Variants in KCNQ1 observed in about 807,000 individuals in gnomAD.
KCNQ1 encodes potassium voltage-gated channel subfamily Q member 1.
KCNQ1 carries 49 observed loss-of-function variants against 72.4 expected under a neutral mutation model. That is an observed-to-expected ratio of 0.68 (90% CI 0.54 to 0.86). KCNQ1 has a LOEUF of 0.86. KCNQ1 is among the 40% of genes least tolerant of loss of function. The pLI is 0.00. For synonymous variants in KCNQ1, 450 were observed against 412.6 expected (o/e 1.09, Z -1.10); for missense variants, 790 against 945.1 (o/e 0.84, Z 2.15).
Position 2,508,336 on chromosome 11 carries a change from C to T in KCNQ1, c.387-19592C>T, listed in dbSNP as rs1042693055. Among the ~76,000 whole-genome samples, 7 of 152,164 alleles carry T rather than the reference C, an allele frequency of 4.6e-5. No homozygotes were observed. The highest frequency in any genetic ancestry group is 1.4e-4 in the African/African-American group (6 of 41,448). ...TCTTGGAAAGACTTTAGGCCAGGAG[C>T]CCATCATTGTCCTGGAACCTGGGCT... On this transcript the variant is annotated intron_variant, in intron 1 of 15. Transcript: ENST00000155840. This position sits in a 1 kb window ranked among gnomAD's most constrained non-coding sequence, Gnocchi z 6.2.
In KCNQ1 at chr11:2,449,429, C is replaced by T. The variant is rs1034791291; in HGVS notation, c.386+3945C>T. On this transcript the variant is annotated intron_variant, in intron 1 of 15. Coordinates refer to ENST00000155840, the MANE Select transcript of KCNQ1 (RefSeq NM_000218.3). ...GCTTTGCGGGGACACTCCTGGGTAC[C>T]GATGGGATGAACTTCCGCTGGGCCT... Among the ~76,000 whole-genome samples, 49 of 152,280 alleles carry T rather than the reference C, an allele frequency of 3.2e-4. 1 individual carries two copies. Among genetic ancestry groups the T allele is most frequent in the Admixed American group, 1.9e-3 (29 of 15,298 alleles).
At chr11:2,701,735 C>T (rs973453729) in intron 11 of KCNQ1, among the ~76,000 whole-genome samples, 1 of 152,216 alleles carries the variant, frequency 6.6e-6, no homozygotes, top group African/African-American at 2.4e-5. Context: ...TGTGCCCAGC[C>T]TCTCTCTTGA....
rs1851175570 is a variant in KCNQ1, at chr11:2,720,006, A to G, written c.1515-48838A>G. 6.6e-6 allele frequency among the ~76,000 whole-genome samples: 1 copy of G among 152,246 alleles called. No individual in the cohort carries two copies. The highest frequency in any genetic ancestry group is 2.4e-5 in the African/African-American group (1 of 41,460). ...GCCTGGGCGGAGGTGGAGCCGCTTC[A>G]CCATACATGCAAATGTAGCAAACTG... On this transcript the variant is annotated intron_variant, in intron 11 of 15. Coordinates refer to ENST00000155840, the MANE Select transcript of KCNQ1 (RefSeq NM_000218.3). The surrounding 1 kb of genome is among the most constrained non-coding windows in gnomAD (Gnocchi z 5.1).
At chr11:2,540,166 C>G (rs1208868532) in intron 2 of KCNQ1, among the ~76,000 whole-genome samples, 3 of 152,154 alleles carry the variant, frequency 2.0e-5, no homozygotes, top group Non-Finnish European at 2.9e-5. Flanking sequence ...AAGGAGGTAG[C>G]CTGAGGTCTC....
chr11:2,520,937 C>T (rs1054836114), intron 1 of KCNQ1, among the ~76,000 whole-genome samples: 6 of 152,174 alleles, frequency 3.9e-5, no homozygotes, highest in African/African-American at 1.4e-4. Flanking sequence ...CTGGCGAGGT[C>T]CCGTCCCCAG....
rs778975231 is a variant in KCNQ1 at position 2,768,866 on chromosome 11, A to G, written c.1537A>G (p.Thr513Ala). Reference protein sequence around the residue: ...ISQLREHHRATIKVIRRMQYF... With the variant: ...ISQLREHHRAAIKVIRRMQYF... ...CAGGCTGCGGGAACACCATCGGGCC[A>G]CCATTAAGGTCATTCGACGCATGCA... Residue 513 changes from threonine (T) to alanine (A), a missense_variant, in exon 12 of 16, where the codon ACC becomes GCC. By Grantham distance (58) the Thr-to-Ala change is moderately conservative. Transcript: ENST00000155840. This position sits in a 1 kb window ranked among gnomAD's most constrained non-coding sequence, Gnocchi z 6.7. 1.2e-6 allele frequency: 2 copies of G among 1,614,046 alleles called. No homozygotes were observed. The highest frequency in any genetic ancestry group is 2.7e-5 in the African/African-American group (2 of 75,020).
chr11:2,738,443 G>C (rs1467479975), intron 11 of KCNQ1, among the ~76,000 whole-genome samples: 1 of 152,216 alleles, frequency 6.6e-6, no homozygotes, highest in Non-Finnish European at 1.5e-5. Context: ...GGGGCCACTG[G>C]CACTAGCGTG....
chr11:2,582,657 G>A (rs1052825885), intron 6 of KCNQ1, among the ~76,000 whole-genome samples: 1 of 152,226 alleles, frequency 6.6e-6, no homozygotes, highest in Non-Finnish European at 1.5e-5. Context: ...GCAGGAGCCT[G>A]TGTGTCCACA....
intron 11 of KCNQ1, among the ~76,000 whole-genome samples, chr11:2,708,510 G>C (rs969373344): frequency 6.6e-6 from 1 of 152,208 alleles, no homozygotes. Context: ...CCCCCTGGTG[G>C]GCCAGGCAGG....
At position 2,608,586 on chromosome 11, in the gene KCNQ1, G is replaced by A. The variant is rs578205644; in HGVS notation, c.1393+19732G>A. 1 of 398,386 alleles carries A rather than the reference G, an allele frequency of 2.5e-6. No homozygotes were observed. Among genetic ancestry groups the A allele is most frequent in the East Asian group, 3.6e-5 (1 of 28,058 alleles). The allele number at this position is 398,386 out of a possible 1,614,324, so 24.7% of individuals were successfully genotyped here. A position where few individuals can be genotyped will look rare whatever the true frequency, so the allele number is the denominator to read the frequency against. Reference sequence around the variant, plus strand: ...GATCTCCTAGTCTCAAGTGATCCTTGCCCCTTAGCCTATGACAGGTGTGCA... The same window carrying A: ...GATCTCCTAGTCTCAAGTGATCCTTACCCCTTAGCCTATGACAGGTGTGCA... On this transcript the variant is annotated intron_variant, in intron 10 of 15. Transcript: ENST00000155840. The surrounding 1 kb of genome is among the most constrained non-coding windows in gnomAD (Gnocchi z 4.6).
chr11:2,528,083 G>A (rs948331592), intron 2 of KCNQ1, 65 bp downstream of exon 2: 17 of 1,372,834 alleles, frequency 1.2e-5, no homozygotes, highest in East Asian at 2.3e-5. Context: ...TCTCCCTGGC[G>A]CTGGGCCCCA....
Position 2,473,038 on chromosome 11 carries a change from T to C in KCNQ1, c.386+27554T>C, listed in dbSNP as rs192083218. Among the ~76,000 whole-genome samples, 764 of 152,084 alleles carry C rather than the reference T, an allele frequency of 5.0e-3. 1 individual carries two copies. The highest frequency in any genetic ancestry group is 9.3e-3 in the South Asian group (45 of 4,822). On this transcript the variant is annotated intron_variant, in intron 1 of 15. Coordinates refer to ENST00000155840, the MANE Select transcript of KCNQ1 (RefSeq NM_000218.3). This position sits in a 1 kb window ranked among gnomAD's most constrained non-coding sequence, Gnocchi z 6.0. ...TCTGTCATTGGAGGAGACTGTCCCA[T>C]GTCCCTCCAGATCATGTCCCTGAGT...
rs2133865135 is a variant in KCNQ1 at position 2,668,204 on chromosome 11, CA to C, written c.1514+6124del. On this transcript the variant is annotated intron_variant, in intron 11 of 15. Transcript: ENST00000155840. The surrounding 1 kb of genome is among the most constrained non-coding windows in gnomAD (Gnocchi z 4.3). ...GCTCCATTGTGTGCATGGCCTACAT[CA>C]TTCATCCATTCTACCACCTGTGGCC... is the stretch of plus-strand genomic sequence containing the variant. 2 of 398,666 alleles carry C rather than the reference CA, an allele frequency of 5.0e-6. No homozygotes were observed. Among genetic ancestry groups the C allele is most frequent in the East Asian group, 7.1e-5 (2 of 28,076 alleles). 24.7% of individuals were successfully genotyped at this position (398,666 alleles called of 1,614,324 possible). A position where few individuals can be genotyped will look rare whatever the true frequency, so the allele number is the denominator to read the frequency against.
rs1270708872 is a variant in KCNQ1, at chr11:2,479,288, T to A, written c.386+33804T>A. 6.6e-6 allele frequency among the ~76,000 whole-genome samples: 1 copy of A among 152,166 alleles called. No homozygotes were observed. Among genetic ancestry groups the A allele is most frequent in the Non-Finnish European group, 1.5e-5 (1 of 68,026 alleles). ...CCCAGTGGGGACTTTGCATGGGGGC[T>A]CCAACCCCACTTTTCCCTTCCTCAC... On this transcript the variant is annotated intron_variant, in intron 1 of 15. Coordinates refer to ENST00000155840, the MANE Select transcript of KCNQ1 (RefSeq NM_000218.3). The surrounding 1 kb of genome is among the most constrained non-coding windows in gnomAD (Gnocchi z 4.6).
chr11:2,739,581 A>G, intron 11 of KCNQ1, among the ~76,000 whole-genome samples: 1 of 152,250 alleles, frequency 6.6e-6, no homozygotes, highest in East Asian at 1.9e-4. Flanking sequence ...ATCTCAGACC[A>G]GGGGCTGGTG....
chr11:2,779,683 G>A (rs745484701), intron 15 of KCNQ1, among the ~76,000 whole-genome samples: 2 of 152,194 alleles, frequency 1.3e-5, no homozygotes, highest in African/African-American at 4.8e-5. Flanking sequence ...CTGGAGTCTG[G>A]CATCCTGCGG....
chr11:2,590,005 A>G (rs1321812985), intron 10 of KCNQ1, among the ~76,000 whole-genome samples: 2 of 152,080 alleles, frequency 1.3e-5, no homozygotes, highest in Non-Finnish European at 2.9e-5. Context: ...AAGGGACCCC[A>G]CTTCTCCCTG....
intron 1 of KCNQ1, among the ~76,000 whole-genome samples, chr11:2,499,823 A>G (rs1464300719): frequency 6.6e-6 from 1 of 152,244 alleles, no homozygotes; most frequent in Non-Finnish European, 1.5e-5. Context: ...TATACCTAAT[A>G]GATATTTACA....
Position 2,492,325 on chromosome 11 carries a change from G to A in KCNQ1, c.387-35603G>A, listed in dbSNP as rs778755900. Among the ~76,000 whole-genome samples the A allele has an allele frequency of 3.3e-5, 5 of 152,136 alleles. No individual in the cohort carries two copies. The highest frequency in any genetic ancestry group is 7.2e-5 in the African/African-American group (3 of 41,436). ...ATAGAGACAAAAAAACTTAAAAAGC[G>A]GAGAGACAAAAGTTGAAGTGTAGAG... On this transcript the variant is annotated intron_variant, in intron 1 of 15. Coordinates refer to ENST00000155840, the MANE Select transcript of KCNQ1 (RefSeq NM_000218.3). The surrounding 1 kb of genome is among the most constrained non-coding windows in gnomAD (Gnocchi z 4.1).
Sources: allele counts gnomAD v4.1 joint callset (sites outside exome capture counted in the v4.1 genomes callset), GRCh38; gene constraint gnomAD v4.1.1; non-coding constraint Gnocchi (gnomAD v3.1); transcripts MANE v1.5; gene names NCBI Gene and HGNC (gene_info 2026-07-23, HGNC 2026-07-21).